PEX5L: variants seen among roughly 807,000 people sequenced by gnomAD.
PEX5L encodes peroxisomal biogenesis factor 5 like, also known as PEX5-related protein.
PEX5L carries 30 observed loss-of-function variants against 84.0 expected under a neutral mutation model. That is an observed-to-expected ratio of 0.36 (90% CI 0.27 to 0.48). PEX5L has a LOEUF of 0.48. Among genes scored for constraint, PEX5L ranks in the 20% least tolerant of loss-of-function variants. PEX5L has a pLI of 0.99. For missense variants in PEX5L, 533 were observed against 754.6 expected, an observed-to-expected ratio of 0.71 and a Z score of 3.44; for synonymous variants, 270 against 283.1, an observed-to-expected ratio of 0.95 and a Z score of 0.46.
chr3:179,916,890 G>C (rs1321927438), intron 2 of PEX5L, among the ~76,000 whole-genome samples: 1 of 151,620 alleles, frequency 6.6e-6, no homozygotes, highest in Non-Finnish European at 1.5e-5. Flanking sequence ...GGCTGGTCTC[G>C]AACTTCTGAC....
chr3:179,881,570 A>T (rs1754178436), intron 4 of PEX5L: 1 of 152,236 alleles, frequency 6.6e-6, no homozygotes, highest in Non-Finnish European at 1.5e-5. Context: ...TGCCAGGCAT[A>T]CAATAGGTAC....
intron 1 of PEX5L, among the ~76,000 whole-genome samples, chr3:180,007,466 G>A (rs971535984): frequency 3.3e-5 from 5 of 152,168 alleles, no homozygotes; most frequent in Non-Finnish European, 5.9e-5. Context: ...GAGTCTGGAG[G>A]ACAGTAGTCC....
intron 2 of PEX5L, among the ~76,000 whole-genome samples, chr3:179,916,590 C>T (rs1214852073): frequency 3.9e-5 from 6 of 152,064 alleles, no homozygotes; most frequent in African/African-American, 1.2e-4. Flanking sequence ...TAAATTTATA[C>T]AAAAAATTTT....
rs899106531 is a variant in PEX5L, at chr3:179,798,233, G to A, written c.*3595C>T. On this transcript the variant is annotated 3_prime_UTR_variant, in exon 15 of 15. Transcript: ENST00000467460. ...TAAGTGGACATTCCTACCCAGTTAT[G>A]TTTCCTTACTTTTCTGTTCTAGTAG... 2 of 152,130 alleles carry A rather than the reference G, an allele frequency of 1.3e-5. No homozygotes were observed. The highest frequency in any genetic ancestry group is 2.9e-5 in the Non-Finnish European group (2 of 68,022). The allele number at this position is 152,130 out of a possible 1,614,324, so 9.4% of individuals were successfully genotyped here.
chr3:179,931,551 T>A (rs1201002573), intron 2 of PEX5L, among the ~76,000 whole-genome samples: 2 of 152,208 alleles, frequency 1.3e-5, no homozygotes, highest in Non-Finnish European at 2.9e-5. Context: ...TTTTCAAGAT[T>A]ATAAATATCT....
chr3:180,010,259 TTTTTTTTC>T (rs1406652901), intron 1 of PEX5L, among the ~76,000 whole-genome samples: 5 of 143,492 alleles, frequency 3.5e-5, no homozygotes, highest in South Asian at 2.2e-4. Context: ...TTTTTTTTTT[TTTTTTTTC>T]TGTAGAGATG....
chr3:179,841,958 C>T lies in PEX5L; in HGVS notation c.822+17104G>A, dbSNP rs58273639. On this transcript the variant is annotated intron_variant, in intron 8 of 14. Coordinates refer to ENST00000467460, the MANE Select transcript of PEX5L (RefSeq NM_016559.3). The stretch of plus-strand genomic sequence containing the variant: ...GAGATAAATAGCACACAGCATAGTT[C>T]GTCATGTCATAAATGTTCCTTGGCA... Among the ~76,000 whole-genome samples, 1,039 of 152,216 alleles carry T rather than the reference C, an allele frequency of 6.8e-3. 15 individuals are homozygous for T. Among genetic ancestry groups the T allele is most frequent in the African/African-American group, 0.023 (963 of 41,534 alleles).
chr3:179,872,122 T>C (rs1040171027), intron 7 of PEX5L, among the ~76,000 whole-genome samples: 1 of 152,178 alleles, frequency 6.6e-6, no homozygotes, highest in African/African-American at 2.4e-5. Flanking sequence ...TGGGCTCAAG[T>C]GATCTACTGC....
Position 179,935,060 on chromosome 3 carries a change from TA to T in PEX5L, c.93+36533del, listed in dbSNP as rs59755960. Among the ~76,000 whole-genome samples the T allele has an allele frequency of 3.1e-3, 437 of 139,396 alleles. 1 individual carries two copies. Among genetic ancestry groups the T allele is most frequent in the Middle Eastern group, 3.7e-3 (1 of 272 alleles). 91.4% of individuals were successfully genotyped at this position (139,396 alleles called of 152,430 possible). ...TATGATCTTTTCATTATATGAGAAT[TA>T]AAAAAAAAAAAAGAGTTGCATGCAG... On this transcript the variant is annotated intron_variant, in intron 2 of 14. Coordinates refer to ENST00000467460, the MANE Select transcript of PEX5L (RefSeq NM_016559.3).
chr3:179,967,343 A>T (rs1783593104), intron 2 of PEX5L, among the ~76,000 whole-genome samples: 1 of 152,224 alleles, frequency 6.6e-6, no homozygotes, highest in Non-Finnish European at 1.5e-5. Context: ...CTCATTTGCT[A>T]AACTGGGGAT....
Position 179,796,962 on chromosome 3 carries a change from G to A in PEX5L, c.*4866C>T, listed in dbSNP as rs1242055938. On this transcript the variant is annotated 3_prime_UTR_variant, in exon 15 of 15. Transcript: ENST00000467460. The stretch of plus-strand genomic sequence containing the variant: ...ATTAAGGCCCCATATCTACTTCGTT[G>A]TGTGATGATTTTGATGTGCCTGACA... 1 of 152,172 alleles carries A rather than the reference G, an allele frequency of 6.6e-6. No individual in the cohort carries two copies. Among genetic ancestry groups the A allele is most frequent in the African/African-American group, 2.4e-5 (1 of 41,434 alleles). 9.4% of individuals were successfully genotyped at this position (152,172 alleles called of 1,614,324 possible). A position where few individuals can be genotyped will look rare whatever the true frequency, so the allele number is the denominator to read the frequency against.
intron 8 of PEX5L, among the ~76,000 whole-genome samples, chr3:179,852,298 A>T (rs1456105238): frequency 2.6e-5 from 4 of 152,142 alleles, no homozygotes; most frequent in African/African-American, 9.7e-5. Context: ...AACAGTCTGC[A>T]TGATGTGGTA....
intron 1 of PEX5L, among the ~76,000 whole-genome samples, chr3:180,020,238 A>G (rs759601901): frequency 8.5e-5 from 13 of 152,180 alleles, no homozygotes; most frequent in Non-Finnish European, 1.9e-4. Flanking sequence ...ATTAATTGAT[A>G]AAATAAAAAT....
intron 3 of PEX5L, 83 bp downstream of exon 3, chr3:179,898,059 T>G (rs866642936): frequency 2.6e-6 from 2 of 756,068 alleles, no homozygotes; most frequent in Middle Eastern, 2.6e-4. Context: ...AGAGTTAAAG[T>G]TTTTTTTTTC....
chr3:179,809,337 T>C lies in PEX5L; in HGVS notation c.1352+134A>G, dbSNP rs189461620. On this transcript the variant is annotated intron_variant, in intron 12 of 14. Coordinates refer to ENST00000467460, the MANE Select transcript of PEX5L (RefSeq NM_016559.3). Reference sequence around the variant, plus strand: ...TAATCTTTCTAACGAGTGATGCTCCTCCAGCAGAATACTGTCCTGCAAACC... The same window carrying C: ...TAATCTTTCTAACGAGTGATGCTCCCCCAGCAGAATACTGTCCTGCAAACC... 1.4e-3 allele frequency: 915 copies of C among 670,344 alleles called. 1 individual carries two copies. The highest frequency in any genetic ancestry group is 2.0e-3 in the Non-Finnish European group (755 of 377,190). 41.5% of individuals were successfully genotyped at this position (670,344 alleles called of 1,614,324 possible).
intron 2 of PEX5L, among the ~76,000 whole-genome samples, chr3:179,937,225 CA>C (rs1486892936): frequency 1.3e-5 from 2 of 152,244 alleles, no homozygotes; most frequent in African/African-American, 4.8e-5. Flanking sequence ...TAGGGAACTG[CA>C]GATGAAATCC....
At chr3:180,026,724 G>C (rs1176856937) in intron 1 of PEX5L, among the ~76,000 whole-genome samples, 1 of 152,056 alleles carries the variant, frequency 6.6e-6, no homozygotes, top group Non-Finnish European at 1.5e-5. Context: ...AATAAACGCA[G>C]GCTTAAAGAG....
At chr3:179,929,230 C>G (rs1772310013) in intron 2 of PEX5L, among the ~76,000 whole-genome samples, 1 of 152,018 alleles carries the variant, frequency 6.6e-6, no homozygotes, top group Non-Finnish European at 1.5e-5. Context: ...AGGTTGCTTC[C>G]CTAGCTGACA....
intron 1 of PEX5L, among the ~76,000 whole-genome samples, chr3:179,991,892 G>A (rs977881450): frequency 1.3e-5 from 2 of 152,092 alleles, no homozygotes; most frequent in Non-Finnish European, 2.9e-5. Context: ...CTTAGCTTTA[G>A]TTATTTATTT....
Sources: allele counts gnomAD v4.1 joint callset (sites outside exome capture counted in the v4.1 genomes callset), GRCh38; gene constraint gnomAD v4.1.1; transcripts MANE v1.5; gene names NCBI Gene and HGNC (gene_info 2026-07-23, HGNC 2026-07-21).